Variants in DGKB observed in about 807,000 individuals in gnomAD.
The protein encoded by DGKB is 90 kDa diacylglycerol kinase.
Under a neutral mutation model 114.3 loss-of-function variants are expected in DGKB, and 67 were observed. The ratio of observed to expected loss-of-function variants is 0.59; its 90% CI spans 0.48 to 0.72. The LOEUF (loss-of-function observed/expected upper bound fraction) is 0.72. Ranked by LOEUF, DGKB falls within the 30% of genes least tolerant of loss-of-function variation. The pLI, the probability that DGKB is intolerant of heterozygous loss-of-function variation, is 0.00. For missense variants in DGKB, 907 were observed against 975.2 expected (o/e 0.93, Z 0.93); for synonymous variants, 398 against 323.1 (o/e 1.23, Z -2.49).
chr7:14,195,583 G>A lies in DGKB; in HGVS notation c.2123-17432C>T, dbSNP rs566956574. 9.3e-4 allele frequency among the ~76,000 whole-genome samples: 141 copies of A among 152,220 alleles called. 3 individuals are homozygous for A. The South Asian group carries it at 0.027, about 29-fold the overall frequency. Reference sequence around the variant, plus strand: ...CGGTCTTTACACTAAATATCCAGAAGTACTGTGAAAATCAGTTATTTTCTT... The same window carrying A: ...CGGTCTTTACACTAAATATCCAGAAATACTGTGAAAATCAGTTATTTTCTT... On this transcript the variant is annotated intron_variant, in intron 23 of 25. Coordinates refer to ENST00000402815, the MANE Select transcript of DGKB (RefSeq NM_001350709.2).
intron 13 of DGKB, among the ~76,000 whole-genome samples, chr7:14,641,109 A>T (rs1563760111): frequency 6.6e-6 from 1 of 152,178 alleles, no homozygotes; most frequent in Non-Finnish European, 1.5e-5. Flanking sequence ...CCAGTGTTTA[A>T]TGAGAATAGC....
At chr7:14,174,419 T>C (rs1781432925) in intron 25 of DGKB, among the ~76,000 whole-genome samples, 1 of 152,216 alleles carries the variant, frequency 6.6e-6, no homozygotes, top group Non-Finnish European at 1.5e-5. Flanking sequence ...TAAGAACTTT[T>C]TTTAGGATAT....
chr7:14,767,385 A>G (rs1836621065), intron 2 of DGKB, among the ~76,000 whole-genome samples: 2 of 151,760 alleles, frequency 1.3e-5, no homozygotes, highest in South Asian at 2.1e-4. Flanking sequence ...TCATGACATC[A>G]TTACTATTGG....
chr7:14,682,541 A>AT lies in DGKB; in HGVS notation c.1035+11dup. 6.3e-7 allele frequency: 1 copy of AT among 1,591,012 alleles called. No homozygotes were observed. The highest frequency in any genetic ancestry group is 8.6e-7 in the Non-Finnish European group (1 of 1,159,848). On this transcript the variant is annotated intron_variant, in intron 12 of 25. Transcript: ENST00000402815. ...GGTGAATGCTGGGATTTGTTTTCCA[A>AT]TTTTTACTCACTGTGATCTGACACC...
In DGKB at chr7:14,338,554, T is replaced by C. The variant is rs573512157; in HGVS notation, c.2083A>G (p.Thr695Ala). Residue 695 changes from threonine (T) to alanine (A), a missense_variant, in exon 23 of 26, where the codon ACC becomes GCC. Coordinates refer to ENST00000402815, the MANE Select transcript of DGKB (RefSeq NM_001350709.2). ...TTCAACTCTTTGGCATCTGTGACGG[T>C]GGTCCTTTTGTCAGACCCTTTTTTC... Reference protein sequence around the residue: ...IEKKGSDKRTTVTDAKELKFA... With the variant: ...IEKKGSDKRTAVTDAKELKFA... The C allele has an allele frequency of 3.1e-6, 5 of 1,597,044 alleles. No individual in the cohort carries two copies. In the East Asian group the frequency reaches 9.0e-5, roughly 29 times the overall value.
intron 23 of DGKB, among the ~76,000 whole-genome samples, chr7:14,266,761 C>T (rs1033882966): frequency 6.6e-6 from 1 of 152,088 alleles, no homozygotes; most frequent in African/African-American, 2.4e-5. Flanking sequence ...TTTTAATACA[C>T]AAAGGAATAT....
chr7:14,900,249 C>T (rs1367924028), intron 1 of DGKB, among the ~76,000 whole-genome samples: 1 of 152,058 alleles, frequency 6.6e-6, no homozygotes, highest in Admixed American at 6.6e-5. Flanking sequence ...TCAGAATTTG[C>T]GTTGGTGTTT....
At chr7:14,537,109 C>G (rs1015240372) in intron 20 of DGKB, among the ~76,000 whole-genome samples, 3 of 151,810 alleles carry the variant, frequency 2.0e-5, no homozygotes, top group Non-Finnish European at 4.4e-5. Flanking sequence ...TAAATATAAC[C>G]AAGAAGGTGA....
intron 21 of DGKB, among the ~76,000 whole-genome samples, chr7:14,420,090 G>A (rs777349506): frequency 6.6e-6 from 1 of 151,722 alleles, no homozygotes; most frequent in Admixed American, 6.6e-5. Context: ...TTTTTTAGAA[G>A]TTCTAACTAA....
At chr7:14,152,313 G>A (rs1028383948) in intron 25 of DGKB, among the ~76,000 whole-genome samples, 6 of 151,994 alleles carry the variant, frequency 3.9e-5, no homozygotes, top group Admixed American at 2.0e-4. Context: ...CACTGGCTGT[G>A]AACAAGGCAT....
chr7:14,521,906 A>T (rs1789830803), intron 20 of DGKB, among the ~76,000 whole-genome samples: 1 of 151,654 alleles, frequency 6.6e-6, no homozygotes, highest in East Asian at 1.9e-4. Flanking sequence ...TAAGATGTAT[A>T]TTTTTTTTGG....
chr7:14,911,640 A>G (rs955308840), intron 1 of DGKB, among the ~76,000 whole-genome samples: 1 of 152,156 alleles, frequency 6.6e-6, no homozygotes, highest in African/African-American at 2.4e-5. Context: ...TAAAAAACAG[A>G]CTGGCTTTTT....
chr7:14,167,309 A>G (rs1421449295), intron 25 of DGKB, among the ~76,000 whole-genome samples: 1 of 152,106 alleles, frequency 6.6e-6, no homozygotes, highest in Non-Finnish European at 1.5e-5. Flanking sequence ...TGGAGGAGAC[A>G]TCTTTTCTCT....
chr7:14,532,729 G>A (rs1473277262), intron 20 of DGKB, among the ~76,000 whole-genome samples: 5 of 151,538 alleles, frequency 3.3e-5, no homozygotes, highest in African/African-American at 7.2e-5. Context: ...TGATAAGACC[G>A]TTAGAAAATC....
intron 23 of DGKB, among the ~76,000 whole-genome samples, chr7:14,319,122 C>T (rs1472660037): frequency 2.1e-5 from 3 of 140,290 alleles, no homozygotes; most frequent in Non-Finnish European, 4.5e-5. Flanking sequence ...GAACATCACA[C>T]TCTGGGGACT....
At chr7:14,864,243 C>T (rs937020201) in intron 1 of DGKB, among the ~76,000 whole-genome samples, 1 of 151,606 alleles carries the variant, frequency 6.6e-6, no homozygotes, top group African/African-American at 2.4e-5. Context: ...CTGTGTTTTC[C>T]TAGTTGTGTT....
At chr7:14,754,017 T>C in intron 3 of DGKB, 69 bp from the exon 4 acceptor site, 1 of 1,074,796 alleles carries the variant, frequency 9.3e-7, no homozygotes, top group Non-Finnish European at 1.4e-6. Flanking sequence ...ATCTCATATC[T>C]CTGATTATTT....
At chr7:14,411,182 G>A (rs1824819503) in intron 21 of DGKB, among the ~76,000 whole-genome samples, 1 of 152,096 alleles carries the variant, frequency 6.6e-6, no homozygotes, top group Admixed American at 6.6e-5. Context: ...TAAGCTTTGT[G>A]TTCGATGATT....
intron 7 of DGKB, 123 bp downstream of exon 7, chr7:14,701,558 C>T (rs1825178666): frequency 1.5e-6 from 1 of 682,394 alleles, no homozygotes; most frequent in Non-Finnish European, 2.6e-6. Flanking sequence ...ATAAAAATGC[C>T]ATATGAGTGG....
Sources: gnomAD v4.1 joint callset for allele counts (sites outside exome capture counted in the v4.1 genomes callset) on GRCh38, gnomAD v4.1.1 for gene constraint, MANE v1.5 for transcripts, NCBI Gene and HGNC (gene_info 2026-07-23, HGNC 2026-07-21) for gene names.